The following RAI1 variants were observed in gnomAD, a reference collection of about 807,000 sequenced individuals.
The protein encoded by RAI1 is retinoic acid induced 1, also known as retinoic acid-induced protein 1.
RAI1 carries 9 observed loss-of-function variants against 123.8 expected under a neutral mutation model. The ratio of observed to expected loss-of-function variants is 0.07; its 90% CI spans 0.04 to 0.13. The LOEUF (loss-of-function observed/expected upper bound fraction) is 0.13, where lower values mean the gene tolerates loss of function less well. Ranked by LOEUF, RAI1 falls within the 10% of genes least tolerant of loss-of-function variation. The pLI is 1.00. For missense variants in RAI1, 2,256 were observed against 2,545.8 expected (o/e 0.89, Z 2.45); for synonymous variants, 1,231 against 1,127.3 (o/e 1.09, Z -1.84).
chr17:17,775,834 C>T (rs1384705910), intron 2 of RAI1, among the ~76,000 whole-genome samples: 1 of 152,056 alleles, frequency 6.6e-6, no homozygotes, highest in Non-Finnish European at 1.5e-5. Context: ...TCAGTTATTC[C>T]GATGCTGAGT....
rs1232052242 is a variant in RAI1, at chr17:17,800,917, G to A, written c.5565+2404G>A. On this transcript the variant is annotated intron_variant, in intron 3 of 5. Transcript: ENST00000353383. This position sits in a 1 kb window ranked among gnomAD's most constrained non-coding sequence, Gnocchi z 4.7. ...CCATAGCTCCAGGCGAGTCACGCAT[G>A]CTCTGAGAACTCCACAATGTCAAAC... 6.6e-6 allele frequency among the ~76,000 whole-genome samples: 1 copy of A among 152,220 alleles called. No homozygotes were observed. The highest frequency in any genetic ancestry group is 1.5e-5 in the Non-Finnish European group (1 of 68,040).
At chr17:17,773,990 G>A (rs934140789) in intron 2 of RAI1, among the ~76,000 whole-genome samples, 2 of 151,722 alleles carry the variant, frequency 1.3e-5, no homozygotes, top group African/African-American at 4.8e-5. Context: ...ATTACATCAG[G>A]TAAGTAATTA....
At chr17:17,804,743 T>G (rs1337286344) in intron 4 of RAI1, among the ~76,000 whole-genome samples, 1 of 152,172 alleles carries the variant, frequency 6.6e-6, no homozygotes, top group African/African-American at 2.4e-5. Flanking sequence ...CACTGCAGCC[T>G]TAACCTCCTG....
chr17:17,700,207 C>G (rs1470463929), intron 1 of RAI1, among the ~76,000 whole-genome samples: 2 of 152,226 alleles, frequency 1.3e-5, no homozygotes, highest in African/African-American at 4.8e-5. Flanking sequence ...CTAGGTTGGG[C>G]CTCCTCCCTC....
intron 2 of RAI1, among the ~76,000 whole-genome samples, chr17:17,728,531 C>A (rs1277169037): frequency 6.6e-6 from 1 of 152,120 alleles, no homozygotes; most frequent in African/African-American, 2.4e-5. Flanking sequence ...CCACAGCCCA[C>A]GGAGGGGAGC....
rs1466960459 is a variant in RAI1 at position 17,801,679 on chromosome 17, C to G, written c.5566-2077C>G. ...AAAACCTGAAATTCTAGAATAAACC[C>G]CAGGCCCCACTCCCAGCATGGGCAG... On this transcript the variant is annotated intron_variant, in intron 3 of 5. Coordinates refer to ENST00000353383, the MANE Select transcript of RAI1 (RefSeq NM_030665.4). This position sits in a 1 kb window ranked among gnomAD's most constrained non-coding sequence, Gnocchi z 4.1. Among the ~76,000 whole-genome samples, 2 of 152,194 alleles carry G rather than the reference C, an allele frequency of 1.3e-5. No homozygotes were observed. Among genetic ancestry groups the G allele is most frequent in the Non-Finnish European group, 2.9e-5 (2 of 68,036 alleles).
rs932414954 is a variant in RAI1, at chr17:17,792,943, C to T, written c.-6C>T. On this transcript the variant is annotated 5_prime_UTR_variant, in exon 3 of 6. Coordinates refer to ENST00000353383, the MANE Select transcript of RAI1 (RefSeq NM_030665.4). ...TTTTTCTTTTCACAGATAACCAGCCCGAGTCATGCAGTCTTTTCGAGAAAG... is the reference window on the plus strand; with the variant it reads ...TTTTTCTTTTCACAGATAACCAGCCTGAGTCATGCAGTCTTTTCGAGAAAG... 9.3e-6 allele frequency: 15 copies of T among 1,610,100 alleles called. No individual in the cohort carries two copies. The highest frequency in any genetic ancestry group is 5.4e-5 in the African/African-American group (4 of 74,604).
Position 17,797,597 on chromosome 17 carries a change from C to T in RAI1, c.4649C>T (p.Ser1550Phe). The T allele has an allele frequency of 6.2e-7, 1 of 1,614,040 alleles. No individual in the cohort carries two copies. The highest frequency in any genetic ancestry group is 8.5e-7 in the Non-Finnish European group (1 of 1,180,036). ...LTRGRAKNTTSSPCKGRAKRR... is the reference protein window; with the variant it reads ...LTRGRAKNTTFSPCKGRAKRR... The stretch of plus-strand genomic sequence containing the variant: ...CGGGGCCGGGCCAAGAACACCACCT[C>T]TTCACCCTGTAAGGGGCGTGCCAAG... The change falls in exon 3 of 6, where the codon TCT (serine) becomes TTT (phenylalanine). Residue 1550 changes from serine (S) to phenylalanine (F), a missense_variant. Around this residue, in one of 7 missense-constraint regions of RAI1, gnomAD observed 410 missense variants for 374.6 expected, o/e 1.09. Coordinates refer to ENST00000353383, the MANE Select transcript of RAI1 (RefSeq NM_030665.4).
chr17:17,792,135 T>C (rs554308365), intron 2 of RAI1, among the ~76,000 whole-genome samples: 1 of 152,352 alleles, frequency 6.6e-6, no homozygotes, highest in Admixed American at 6.5e-5. Context: ...CCACGTAATC[T>C]GTTTATGCAC....
intron 2 of RAI1, among the ~76,000 whole-genome samples, chr17:17,733,607 C>G (rs756601405): frequency 1.3e-5 from 2 of 152,166 alleles, no homozygotes; most frequent in Non-Finnish European, 2.9e-5. Context: ...CCCCAGGTCC[C>G]AGTAAGGGCA....
rs201405375 is a variant in RAI1, at chr17:17,797,243, C to T, written c.4295C>T (p.Pro1432Leu). 1.9e-4 allele frequency: 304 copies of T among 1,613,494 alleles called. 1 individual carries two copies. The East Asian group carries it at 3.9e-3, about 21-fold the overall frequency. ...DCFKTEAFTS[P>L]EALQPGGTAL... ...TTCAAAACCGAGGCCTTCACATCCC[C>T]GGAGGCCCTGCAGCCTGGGGGGACT... The change falls in exon 3 of 6, where the codon CCG becomes CTG. Residue 1432 changes from proline (P) to leucine (L), a missense_variant. This residue lies in a region of RAI1 where 410 missense variants were observed against 374.6 expected (regional missense o/e 1.09). Coordinates refer to ENST00000353383, the MANE Select transcript of RAI1 (RefSeq NM_030665.4).
At chr17:17,767,298 C>A (rs1438239195) in intron 2 of RAI1, among the ~76,000 whole-genome samples, 1 of 152,034 alleles carries the variant, frequency 6.6e-6, no homozygotes, top group Non-Finnish European at 1.5e-5. Context: ...ATGTGTAATC[C>A]CCACACCGTA....
intron 4 of RAI1, among the ~76,000 whole-genome samples, chr17:17,804,330 A>C (rs1333020509): frequency 6.6e-6 from 1 of 152,176 alleles, no homozygotes; most frequent in Non-Finnish European, 1.5e-5. Flanking sequence ...GGAAGTTTTG[A>C]AGCAGGGTAA....
At chr17:17,707,232 C>T (rs1049452407) in intron 1 of RAI1, among the ~76,000 whole-genome samples, 2 of 152,170 alleles carry the variant, frequency 1.3e-5, no homozygotes, top group Admixed American at 1.3e-4. Flanking sequence ...ATCGCTTGAG[C>T]CCCGGAGTTT....
chr17:17,766,758 C>T (rs2030949576), intron 2 of RAI1, among the ~76,000 whole-genome samples: 1 of 152,220 alleles, frequency 6.6e-6, no homozygotes, highest in African/African-American at 2.4e-5. Flanking sequence ...CACAGCCTGG[C>T]ACAGGAATCG....
At chr17:17,806,737 C>T (rs2032600452) in intron 4 of RAI1, among the ~76,000 whole-genome samples, 1 of 152,248 alleles carries the variant, frequency 6.6e-6, no homozygotes, top group Non-Finnish European at 1.5e-5. Flanking sequence ...GTCCTCATGG[C>T]AGCCCCAGGG....
At position 17,796,699 on chromosome 17, in the gene RAI1, G is replaced by A. The variant is rs768678609; in HGVS notation, c.3751G>A (p.Ala1251Thr). ...GAGCCGCAGCAGCAGCAGCAGCAAC[G>A]CCAGTGGCAATGGGGGAGATGGGAA... is the stretch of plus-strand genomic sequence containing the variant. The part of the protein sequence containing the change: ...LRSRSSSSSN[A>T]SGNGGDGKEE... Residue 1251 changes from alanine to threonine, a missense_variant, in exon 3 of 6, where the codon GCC becomes ACC. Ala to Thr is a moderately conservative substitution (Grantham distance 58, BLOSUM62 0). Coordinates refer to ENST00000353383, the MANE Select transcript of RAI1 (RefSeq NM_030665.4). The surrounding 1 kb of genome is among the most constrained non-coding windows in gnomAD (Gnocchi z 5.8). 3.3e-5 allele frequency: 54 copies of A among 1,613,224 alleles called. No homozygotes were observed. In the Middle Eastern group the frequency reaches 6.6e-4, roughly 20 times the overall value.
chr17:17,743,411 G>T (rs1421762352), intron 2 of RAI1, among the ~76,000 whole-genome samples: 1 of 152,208 alleles, frequency 6.6e-6, no homozygotes, highest in African/African-American at 2.4e-5. Flanking sequence ...AGCATTGCTT[G>T]TGCCATACTA....
chr17:17,760,289 G>C (rs1041875208), intron 2 of RAI1, among the ~76,000 whole-genome samples: 2 of 152,208 alleles, frequency 1.3e-5, no homozygotes. Context: ...AGAAGTTGGG[G>C]ATTGATTTAT....
Sources: gnomAD v4.1 joint callset for allele counts (sites outside exome capture counted in the v4.1 genomes callset) on GRCh38, gnomAD v4.1.1 for gene constraint, gnomAD v4.1.1 regional missense constraint, Gnocchi (gnomAD v3.1) non-coding constraint, MANE v1.5 for transcripts, NCBI Gene and HGNC (gene_info 2026-07-23, HGNC 2026-07-21) for gene names.